Variants in ATXN7 observed in about 807,000 individuals in gnomAD.
ATXN7 encodes the protein ataxin 7, also known as ataxin-7.
A neutral mutation model predicts 70.5 loss-of-function variants in ATXN7; 12 were observed. The observed-to-expected ratio is 0.17, with a 90% CI of 0.11 to 0.28. ATXN7 has a LOEUF of 0.28. ATXN7 is among the 10% of genes least tolerant of loss of function. ATXN7 has a pLI of 1.00. For missense variants in ATXN7, 1,256 were observed against 1,131.7 expected (o/e 1.11, Z -1.58); for synonymous variants, 498 against 448.7 (o/e 1.11, Z -1.39).
At position 63,990,615 on chromosome 3, in the gene ATXN7, G is replaced by GC. The variant is rs367687526; in HGVS notation, c.1561-121dup. The GC allele has an allele frequency of 3.4e-6, 5 of 1,481,334 alleles. No individual in the cohort carries two copies. The African/African-American group carries it at 4.2e-5, about 12-fold the overall frequency. The allele number at this position is 1,481,334 out of a possible 1,614,324, so 91.8% of individuals were successfully genotyped here. A position where few individuals can be genotyped will look rare whatever the true frequency, so the allele number is the denominator to read the frequency against. On this transcript the variant is annotated intron_variant, in intron 10 of 12. Coordinates refer to ENST00000674280, the MANE Select transcript of ATXN7 (RefSeq NM_001377405.1). ...GGCATTGTCACTCTCATGCTTCACA[G>GC]CCTCCGGTACTCAGAGGCAGTTCTG...
At chr3:63,981,624 T>C (rs929989194) in intron 6 of ATXN7, among the ~76,000 whole-genome samples, 9 of 152,350 alleles carry the variant, frequency 5.9e-5, no homozygotes, top group South Asian at 2.1e-4. Flanking sequence ...ATTACCACTT[T>C]AGTGACACAA....
chr3:63,921,749 A>C (rs1319569450), intron 4 of ATXN7, among the ~76,000 whole-genome samples: 2 of 152,344 alleles, frequency 1.3e-5, no homozygotes, highest in East Asian at 1.9e-4. Context: ...ATTTGAAGGA[A>C]ACCGCATAGC....
At chr3:63,881,132 C>G (rs1702894808) in intron 1 of ATXN7, among the ~76,000 whole-genome samples, 1 of 152,058 alleles carries the variant, frequency 6.6e-6, no homozygotes, top group Non-Finnish European at 1.5e-5. Flanking sequence ...CAGTTAAACC[C>G]CATCAGAGAA....
intron 4 of ATXN7, among the ~76,000 whole-genome samples, chr3:63,924,422 G>A (rs990655152): frequency 1.3e-5 from 2 of 152,158 alleles, no homozygotes; most frequent in African/African-American, 2.4e-5. Context: ...AAAGTCGTGG[G>A]ACCTAGGTTT....
chr3:63,980,767 A>G (rs2075472788), intron 6 of ATXN7: 1 of 152,976 alleles, frequency 6.5e-6, no homozygotes, highest in Non-Finnish European at 1.5e-5. Flanking sequence ...TAGTAATGAT[A>G]AAAAGATGCA....
Position 63,929,253 on chromosome 3 carries a change from T to TTCTC in ATXN7, c.394+16042_394+16045dup, listed in dbSNP as rs1306394597. The stretch of plus-strand genomic sequence containing the variant: ...TAATCCAAAGATTATCTAGGAAGCT[T>TTCTC]TCTCTCTCTCTCTCTCTTTTTTTTT... On this transcript the variant is annotated intron_variant, in intron 4 of 12. Coordinates refer to ENST00000674280, the MANE Select transcript of ATXN7 (RefSeq NM_001377405.1). 3.9e-3 allele frequency among the ~76,000 whole-genome samples: 587 copies of TTCTC among 151,168 alleles called. 3 individuals are homozygous for TTCTC. The highest frequency in any genetic ancestry group is 0.014 in the African/African-American group (567 of 41,124).
chr3:63,894,574 G>C (rs772960498), intron 1 of ATXN7, among the ~76,000 whole-genome samples: 8 of 152,180 alleles, frequency 5.3e-5, no homozygotes, highest in Non-Finnish European at 1.2e-4. Context: ...CCCCAGGCTG[G>C]AGTACAGTTG....
chr3:63,976,365 A>G (rs2075388559), intron 5 of ATXN7, among the ~76,000 whole-genome samples: 1 of 152,234 alleles, frequency 6.6e-6, no homozygotes, highest in South Asian at 2.1e-4. Context: ...TAGCATGACA[A>G]GAATTTGAGC....
At chr3:63,928,523 T>C (rs1245717319) in intron 4 of ATXN7, among the ~76,000 whole-genome samples, 1 of 152,218 alleles carries the variant, frequency 6.6e-6, no homozygotes, top group Admixed American at 6.5e-5. Context: ...TCTCATTCTT[T>C]GAGCACTTAC....
chr3:63,969,091 A>G (rs984061282), intron 5 of ATXN7, among the ~76,000 whole-genome samples: 2 of 152,212 alleles, frequency 1.3e-5, no homozygotes, highest in African/African-American at 4.8e-5. Flanking sequence ...CAGGTGGAGC[A>G]GATACTGTTT....
At chr3:63,884,291 A>G (rs1435306166) in intron 1 of ATXN7, among the ~76,000 whole-genome samples, 1 of 151,524 alleles carries the variant, frequency 6.6e-6, no homozygotes, top group African/African-American at 2.4e-5. Context: ...TCCACACACA[A>G]TGATGGGGTG....
chr3:63,981,461 T>G (rs902888018), intron 6 of ATXN7, among the ~76,000 whole-genome samples: 4 of 152,252 alleles, frequency 2.6e-5, no homozygotes. Flanking sequence ...GGCCTTTAGA[T>G]AGGAACCAGG....
chr3:63,986,330 C>A (rs960963371), intron 8 of ATXN7, among the ~76,000 whole-genome samples: 6 of 152,168 alleles, frequency 3.9e-5, no homozygotes, highest in Non-Finnish European at 8.8e-5. Flanking sequence ...CAACCCCTAT[C>A]GGATTTCTGT....
chr3:63,893,829 C>T (rs966871402), intron 1 of ATXN7, among the ~76,000 whole-genome samples: 3 of 111,062 alleles, frequency 2.7e-5, no homozygotes, highest in African/African-American at 8.7e-5. Flanking sequence ...ACAGTAGCAC[C>T]ATTGAAAAAA....
intron 5 of ATXN7, among the ~76,000 whole-genome samples, chr3:63,960,072 C>CT (rs1472604065): frequency 2.6e-5 from 4 of 152,172 alleles, no homozygotes; most frequent in Non-Finnish European, 5.9e-5. Flanking sequence ...GAGAAAATGA[C>CT]TGGGGCAGAC....
intron 11 of ATXN7, among the ~76,000 whole-genome samples, chr3:63,995,154 C>A (rs1037150658): frequency 5.9e-5 from 9 of 151,874 alleles, no homozygotes; most frequent in African/African-American, 2.2e-4. Context: ...ATTAGCAATC[C>A]GACACTTAAA....
At chr3:63,930,564 C>G (rs781382037) in intron 4 of ATXN7, among the ~76,000 whole-genome samples, 1 of 150,828 alleles carries the variant, frequency 6.6e-6, no homozygotes, top group Non-Finnish European at 1.5e-5. Flanking sequence ...TGGAGTCTCG[C>G]TCTGTTGCCC....
At chr3:63,939,442 G>A (rs541058017) in intron 4 of ATXN7, among the ~76,000 whole-genome samples, 6 of 152,040 alleles carry the variant, frequency 3.9e-5, no homozygotes, top group Admixed American at 3.9e-4. Flanking sequence ...CCATACTATA[G>A]TCGAAGCAAT....
At chr3:63,993,490 A>G (rs1428365240) in intron 11 of ATXN7, among the ~76,000 whole-genome samples, 2 of 151,756 alleles carry the variant, frequency 1.3e-5, no homozygotes, top group African/African-American at 2.4e-5. Context: ...AGAGGCATAC[A>G]TTGAAAACCG....
Sources: gnomAD v4.1 joint callset for allele counts (sites outside exome capture counted in the v4.1 genomes callset) on GRCh38, gnomAD v4.1.1 for gene constraint, MANE v1.5 for transcripts, NCBI Gene and HGNC (gene_info 2026-07-23, HGNC 2026-07-21) for gene names.